The following ARID4A variants were observed in gnomAD, a reference collection of about 807,000 sequenced individuals.
ARID4A encodes AT-rich interaction domain 4A, also known as AT-rich interactive domain-containing protein 4A.
Under a neutral mutation model 148.6 loss-of-function variants are expected in ARID4A, and 39 were observed. The observed-to-expected ratio is 0.26, with a 90% CI of 0.20 to 0.34. The LOEUF (loss-of-function observed/expected upper bound fraction) is 0.34. Ranked by LOEUF, ARID4A falls within the 10% of genes least tolerant of loss-of-function variation. The pLI, the probability that ARID4A is intolerant of heterozygous loss-of-function variation, is 1.00. For missense variants in ARID4A, 1,265 were observed against 1,449.1 expected (o/e 0.87, Z 2.06); for synonymous variants, 475 against 481.2 (o/e 0.99, Z 0.17).
chr14:58,309,972 T>C, intron 5 of ARID4A, among the ~76,000 whole-genome samples: 1 of 152,172 alleles, frequency 6.6e-6, no homozygotes, highest in East Asian at 1.9e-4. Flanking sequence ...CAGACTCGCT[T>C]ATGACAAATG....
At chr14:58,369,614 C>CAAA (rs34289804) in intron 23 of ARID4A, among the ~76,000 whole-genome samples, 17 of 106,830 alleles carry the variant, frequency 1.6e-4, no homozygotes, top group South Asian at 1.0e-3. Flanking sequence ...GAGTCTGTCT[C>CAAA]AAAAAAAAAA....
intron 3 of ARID4A, 21 bp downstream of exon 3, chr14:58,301,711 A>G: frequency 7.0e-6 from 11 of 1,579,570 alleles, no homozygotes; most frequent in Non-Finnish European, 9.6e-6. Flanking sequence ...TTTTTATGCA[A>G]TAGTTTTATT....
intron 15 of ARID4A, among the ~76,000 whole-genome samples, chr14:58,349,299 A>G (rs1034246244): frequency 6.6e-6 from 1 of 152,202 alleles, no homozygotes; most frequent in Admixed American, 6.5e-5. Flanking sequence ...GCTGTCTAGT[A>G]TGGATGAACC....
chr14:58,373,166 G>A lies in ARID4A; in HGVS notation c.*1177G>A, dbSNP rs951611674. 9 of 200,630 alleles carry A rather than the reference G, an allele frequency of 4.5e-5. No homozygotes were observed. The highest frequency in any genetic ancestry group is 2.1e-4 in the African/African-American group (9 of 43,636). The allele number at this position is 200,630 out of a possible 1,614,324, so 12.4% of individuals were successfully genotyped here. On this transcript the variant is annotated 3_prime_UTR_variant, in exon 24 of 24. Coordinates refer to ENST00000355431, the MANE Select transcript of ARID4A (RefSeq NM_002892.4). ...TTTTTGGTTGCCCTTAAGATACTTT[G>A]TCACAGTTTTTATGTTTGCTATACT...
At chr14:58,299,180 C>CCG (rs2030876071) in intron 1 of ARID4A, among the ~76,000 whole-genome samples, 2 of 152,176 alleles carry the variant, frequency 1.3e-5, no homozygotes, top group Non-Finnish European at 2.9e-5. Context: ...GGCCACCTCC[C>CCG]CTCCTCCTCC....
chr14:58,369,586 G>T (rs934979225), intron 23 of ARID4A, among the ~76,000 whole-genome samples: 5 of 137,738 alleles, frequency 3.6e-5, no homozygotes, highest in Non-Finnish European at 6.1e-5. Context: ...GTGCACTCCA[G>T]CCTGGGTGAC....
At chr14:58,350,315 T>A (rs1222703650) in intron 15 of ARID4A, among the ~76,000 whole-genome samples, 4 of 152,190 alleles carry the variant, frequency 2.6e-5, no homozygotes, top group Non-Finnish European at 4.4e-5. Flanking sequence ...AATTGTATCC[T>A]AATGCTTCCT....
chr14:58,338,406 T>C (rs2033937609), intron 11 of ARID4A, among the ~76,000 whole-genome samples: 2 of 152,216 alleles, frequency 1.3e-5, no homozygotes, highest in Admixed American at 1.3e-4. Flanking sequence ...AGACATGTCC[T>C]CAGAGCTGCC....
intron 16 of ARID4A, chr14:58,353,409 C>G (rs558763345): frequency 1.4e-5 from 5 of 355,822 alleles, no homozygotes; most frequent in Non-Finnish European, 2.0e-5. Context: ...TACAGATCAT[C>G]GTTAACTGTG....
chr14:58,368,732 G>A, intron 23 of ARID4A, among the ~76,000 whole-genome samples: 1 of 152,052 alleles, frequency 6.6e-6, no homozygotes, highest in East Asian at 1.9e-4. Flanking sequence ...TCTTGGTGAT[G>A]GGACCCAAGT....
chr14:58,327,830 C>T (rs1385123279), intron 8 of ARID4A, among the ~76,000 whole-genome samples: 1 of 151,972 alleles, frequency 6.6e-6, no homozygotes. Context: ...CACCACCACA[C>T]CAGGCTAATT....
At chr14:58,318,936 T>A (rs900441095) in intron 7 of ARID4A, 131 bp downstream of exon 7, 8 of 675,408 alleles carry the variant, frequency 1.2e-5, no homozygotes, top group Non-Finnish European at 1.7e-5. Flanking sequence ...TTAGACATTT[T>A]ACCCTGAGTG....
chr14:58,359,030 T>C (rs1191604087), intron 17 of ARID4A, 102 bp from the exon 18 acceptor site: 5 of 1,288,710 alleles, frequency 3.9e-6, no homozygotes, highest in Non-Finnish European at 5.3e-6. Context: ...GAACAAACTA[T>C]TTAATCTGTC....
At chr14:58,349,308 C>T (rs1223898118) in intron 15 of ARID4A, among the ~76,000 whole-genome samples, 1 of 152,060 alleles carries the variant, frequency 6.6e-6, no homozygotes, top group Non-Finnish European at 1.5e-5. Flanking sequence ...TATGGATGAA[C>T]CATAAATCTA....
chr14:58,351,851 A>AT (rs751997301), intron 16 of ARID4A, among the ~76,000 whole-genome samples: 25 of 152,094 alleles, frequency 1.6e-4, no homozygotes, highest in Non-Finnish European at 3.7e-4. Flanking sequence ...TAAATTTCAG[A>AT]TTTTTTAATG....
intron 5 of ARID4A, among the ~76,000 whole-genome samples, chr14:58,309,230 C>CT (rs1433673272): frequency 6.6e-6 from 1 of 152,350 alleles, no homozygotes; most frequent in East Asian, 1.9e-4. Flanking sequence ...GTCTTACCGC[C>CT]TTAGCCTCCC....
chr14:58,322,250 G>C (rs1230775554), intron 7 of ARID4A, among the ~76,000 whole-genome samples: 1 of 152,020 alleles, frequency 6.6e-6, no homozygotes, highest in African/African-American at 2.4e-5. Context: ...GATTACAGGT[G>C]TGAACCACTG....
chr14:58,327,009 C>CAAA lies in ARID4A; in HGVS notation c.583-1227_583-1225dup, dbSNP rs764720475. Among the ~76,000 whole-genome samples the CAAA allele has an allele frequency of 2.6e-5, 4 of 152,288 alleles. 1 individual carries two copies. On this transcript the variant is annotated intron_variant, in intron 8 of 23. Transcript: ENST00000355431. ...TAATTACTGGCACCAAGCAAACAAA[C>CAAA]AAATACTTCCATCTGGTGTTAAGAC...
chr14:58,362,558 C>A lies in ARID4A; in HGVS notation c.2080+1516C>A, dbSNP rs1594962013. On this transcript the variant is annotated intron_variant, in intron 19 of 23. Transcript: ENST00000355431. ...CAAGTGTAATCACATCACTGCACTC[C>A]AGCCTGGGTAGCAGAGCAAGACCCC... Among the ~76,000 whole-genome samples the A allele has an allele frequency of 2.0e-5, 3 of 151,950 alleles. No homozygotes were observed. In the East Asian group the frequency reaches 5.9e-4, roughly 30 times the overall value.
Sources: gnomAD v4.1 joint callset for allele counts (sites outside exome capture counted in the v4.1 genomes callset) on GRCh38, gnomAD v4.1.1 for gene constraint, MANE v1.5 for transcripts, NCBI Gene and HGNC (gene_info 2026-07-23, HGNC 2026-07-21) for gene names.